MUC4: variants seen among roughly 807,000 people sequenced by gnomAD.
MUC4 encodes the protein mucin-4.
In MUC4, 202 loss-of-function variants were observed where a neutral mutation model predicts 257.9. That is an observed-to-expected ratio of 0.78 (90% CI 0.70 to 0.88). The LOEUF (loss-of-function observed/expected upper bound fraction) is 0.88, where lower values mean the gene tolerates loss of function less well. Ranked by LOEUF, MUC4 falls within the 40% of genes least tolerant of loss-of-function variation. The pLI is 0.00. For missense variants in MUC4, 5,976 were observed against 6,513.7 expected (o/e 0.92, Z 2.84); for synonymous variants, 2,351 against 2,757.1 (o/e 0.85, Z 4.62).
At position 195,788,916 on chromosome 3, in the gene MUC4, C is replaced by T. The variant is rs368548899; in HGVS notation, c.2664G>A (p.Gln888=). Residue 888 remains glutamine, a synonymous_variant, in exon 2 of 25, where the codon CAG becomes CAA. Coordinates refer to ENST00000463781, the MANE Select transcript of MUC4 (RefSeq NM_018406.7). ...EASTAGRPTG[Q]SSPTSPSASP... ...AGGCACTGGGAGAAGTTGGGCTTGA[C>T]TGTCCTGTCGGTCTCCCTGCAGTGG... 1.2e-5 allele frequency: 20 copies of T among 1,613,504 alleles called. No individual in the cohort carries two copies. The African/African-American group carries it at 2.4e-4, about 19-fold the overall frequency.
At position 195,780,029 on chromosome 3, in the gene MUC4, T is replaced by A. The variant is rs1560305616; in HGVS notation, c.11551A>T (p.Thr3851Ser). Residue 3851 changes from threonine (T) to serine (S), a missense_variant, in exon 2 of 25, where the codon ACA becomes TCA. Physicochemically the swap from Thr to Ser is moderately conservative, Grantham distance 58. This residue lies in a region of MUC4 where 330 missense variants were observed against 262.0 expected (regional missense o/e 1.26). Transcript: ENST00000463781. ...LPVTIPSSVS[T>S]GDTMPLPVTS... Reference sequence around the variant, plus strand: ...ACAGGAAGAGGCATGGTGTCACCTGTGGATACTGAGGAAGGGATGGTGACA... The same window carrying A: ...ACAGGAAGAGGCATGGTGTCACCTGAGGATACTGAGGAAGGGATGGTGACA... 3 of 731,282 alleles carry A rather than the reference T, an allele frequency of 4.1e-6. No homozygotes were observed. The highest frequency in any genetic ancestry group is 4.8e-4 in the Middle Eastern group (1 of 2,070). 45.3% of individuals were successfully genotyped at this position (731,282 alleles called of 1,614,324 possible).
rs1165522432 is a variant in MUC4 at position 195,747,254 on chromosome 3, C to T, written c.16161G>A (p.Thr5387=). Residue 5387 remains threonine, a synonymous_variant, in exon 25 of 25, where the codon ACG becomes ACA. Coordinates refer to ENST00000463781, the MANE Select transcript of MUC4 (RefSeq NM_018406.7). ...LGGLLLLGVG[T]FVVLRFWGCS... ...AACCCCAGAAGCGCAGGACCACGAACGTCCCGACCCCCAGCAGCAAGAGGC... is the reference window on the plus strand; with the variant it reads ...AACCCCAGAAGCGCAGGACCACGAATGTCCCGACCCCCAGCAGCAAGAGGC... 1.9e-6 allele frequency: 3 copies of T among 1,614,254 alleles called. No individual in the cohort carries two copies. Among genetic ancestry groups the T allele is most frequent in the East Asian group, 2.2e-5 (1 of 44,892 alleles).
chr3:195,760,304 G>T (rs1307145043), intron 16 of MUC4, among the ~76,000 whole-genome samples: 1 of 152,236 alleles, frequency 6.6e-6, no homozygotes, highest in East Asian at 1.9e-4. Flanking sequence ...GGGGACATTG[G>T]AATGAAGACG....
At chr3:195,766,204 G>T (rs979646563) in intron 8 of MUC4, among the ~76,000 whole-genome samples, 13 of 152,130 alleles carry the variant, frequency 8.5e-5, no homozygotes, top group Middle Eastern at 3.4e-3. Flanking sequence ...CAAGTGATCC[G>T]CCCACCTCAG....
intron 7 of MUC4, 126 bp downstream of exon 7, chr3:195,768,896 G>A (rs1030825720): frequency 3.1e-5 from 39 of 1,267,480 alleles, no homozygotes; most frequent in South Asian, 1.9e-4. Context: ...TGGAGTCAGC[G>A]TGAGTCAGAA....
chr3:195,761,816 G>A lies in MUC4; in HGVS notation c.14513-231C>T, dbSNP rs139027270. ...GGTGGAGGAGGGCGGGAGGATGTGG[G>A]AGGCAAGAGGAAAGGGAGAAAGGAT... On this transcript the variant is annotated intron_variant, in intron 14 of 24. Transcript: ENST00000463781. Among the ~76,000 whole-genome samples, 25 of 152,286 alleles carry A rather than the reference G, an allele frequency of 1.6e-4. No homozygotes were observed. In the East Asian group the frequency reaches 4.8e-3, roughly 29 times the overall value.
chr3:195,789,765 G>C lies in MUC4; in HGVS notation c.1815C>G (p.His605Gln). 1 of 1,614,016 alleles carries C rather than the reference G, an allele frequency of 6.2e-7. No individual in the cohort carries two copies. The highest frequency in any genetic ancestry group is 8.5e-7 in the Non-Finnish European group (1 of 1,179,880). Reference sequence around the variant, plus strand: ...GTGCCGTTGTAATTTGTTGGGATGTGTGTCTATCCAGCATAGGTGAAGAAG... The same window carrying C: ...GTGCCGTTGTAATTTGTTGGGATGTCTGTCTATCCAGCATAGGTGAAGAAG... Reference protein sequence around the residue: ...SPSSSPMLDRHTSQQITTAPS... With the variant: ...SPSSSPMLDRQTSQQITTAPS... The change falls in exon 2 of 25, where the codon CAC (histidine) becomes CAG (glutamine). Residue 605 changes from histidine (H) to glutamine (Q), a missense_variant. His to Gln is a conservative substitution (Grantham distance 24). Transcript: ENST00000463781.
Position 195,762,883 on chromosome 3 carries a change from T to C in MUC4, c.14316A>G (p.Thr4772=). ...CGCCGTCTTCATGGTCAGGCTGAAA[T>C]GTCACAGTCTGGTTATCCAGCAGGA... is the stretch of plus-strand genomic sequence containing the variant. ...IRVLLDNQTV[T]FQPDHEDGGG... The change falls in exon 13 of 25, where the codon ACA becomes ACG. Residue 4772 remains threonine (T), a synonymous_variant. Transcript: ENST00000463781. 2 of 1,571,078 alleles carry C rather than the reference T, an allele frequency of 1.3e-6. No homozygotes were observed. Among genetic ancestry groups the C allele is most frequent in the Non-Finnish European group, 8.6e-7 (1 of 1,159,400 alleles).
Position 195,782,816 on chromosome 3 carries a change from A to T in MUC4, c.8764T>A (p.Ser2922Thr). 6.6e-7 allele frequency: 1 copy of T among 1,519,650 alleles called. No homozygotes were observed. Among genetic ancestry groups the T allele is most frequent in the Non-Finnish European group, 8.9e-7 (1 of 1,128,728 alleles). 94.1% of individuals were successfully genotyped at this position (1,519,650 alleles called of 1,614,324 possible). A position where few individuals can be genotyped will look rare whatever the true frequency, so the allele number is the denominator to read the frequency against. Residue 2922 changes from serine to threonine, a missense_variant, in exon 2 of 25, where the codon TCC (serine) becomes ACC (threonine). This residue lies in a region of MUC4 where 228 missense variants were observed against 206.3 expected (regional missense o/e 1.11). Coordinates refer to ENST00000463781, the MANE Select transcript of MUC4 (RefSeq NM_018406.7). ...GGAAGAGGGGTGGCCTGACCTGTGG[A>T]TGCTGAGGAAGTGTCGGTGACAGGA... ...PLPVTDTSSA[S>T]TGQATPLPVT...
intron 1 of MUC4, among the ~76,000 whole-genome samples, chr3:195,804,286 T>C (rs953267379): frequency 1.3e-5 from 2 of 152,224 alleles, no homozygotes; most frequent in Non-Finnish European, 2.9e-5. Flanking sequence ...CTGCCTCACG[T>C]CTGTTAGGGC....
Position 195,751,131 on chromosome 3 carries a change from G to GTCA in MUC4, c.15648-20_15648-19insTGA. On this transcript the variant is annotated intron_variant, in intron 22 of 24. Coordinates refer to ENST00000463781, the MANE Select transcript of MUC4 (RefSeq NM_018406.7). ...AGAATCGCTGTGTGGGAGGGCAACG[G>GTCA]TGAGGGGGGGTGGGGGGCTGGGGGT... is the stretch of plus-strand genomic sequence containing the variant. 6.5e-7 allele frequency: 1 copy of GTCA among 1,531,078 alleles called. No homozygotes were observed. Among genetic ancestry groups the GTCA allele is most frequent in the Non-Finnish European group, 8.9e-7 (1 of 1,127,536 alleles). 94.8% of individuals were successfully genotyped at this position (1,531,078 alleles called of 1,614,324 possible). A position where few individuals can be genotyped will look rare whatever the true frequency, so the allele number is the denominator to read the frequency against.
chr3:195,778,721 G>C, intron 2 of MUC4, 69 bp downstream of exon 2: 1 of 1,473,190 alleles, frequency 6.8e-7, no homozygotes, highest in Non-Finnish European at 9.2e-7. Context: ...GTGTTCTCAG[G>C]TACTCCTTAG....
At position 195,786,785 on chromosome 3, in the gene MUC4, T is replaced by A; in HGVS notation, c.4795A>T (p.Thr1599Ser). The change falls in exon 2 of 25, where the codon ACC (threonine) becomes TCC (serine). Residue 1599 changes from threonine to serine, a missense_variant. Physicochemically the swap from Thr to Ser is moderately conservative, Grantham distance 58. Coordinates refer to ENST00000463781, the MANE Select transcript of MUC4 (RefSeq NM_018406.7). ...GAAGGGCTGGTGACAGGAAGAGGGGTGGTGTCACCTTTGGATGCTGAGGAA... is the reference window on the plus strand; with the variant it reads ...GAAGGGCTGGTGACAGGAAGAGGGGAGGTGTCACCTTTGGATGCTGAGGAA... The part of the protein sequence containing the change: ...DTSSASKGDT[T>S]PLPVTSPSSA... The A allele has an allele frequency of 6.9e-7, 1 of 1,458,228 alleles. No individual in the cohort carries two copies. Among genetic ancestry groups the A allele is most frequent in the Non-Finnish European group, 9.1e-7 (1 of 1,095,508 alleles). 90.3% of individuals were successfully genotyped at this position (1,458,228 alleles called of 1,614,324 possible).
Position 195,779,783 on chromosome 3 carries a change from G to GTC in MUC4, c.11795_11796dup (p.His3933AspfsTer327). ...CTGGTGACAGGAAGAGGGGTGGCAT[G>GTC]TCCTGTGGATGCCGAGGAAACGTCG... On this transcript the variant is annotated frameshift_variant, in exon 2 of 25. Coordinates refer to ENST00000463781, the MANE Select transcript of MUC4 (RefSeq NM_018406.7). LOFTEE classifies it high-confidence loss of function. 5.1e-6 allele frequency: 5 copies of GTC among 989,222 alleles called. No homozygotes were observed. The highest frequency in any genetic ancestry group is 5.0e-5 in the South Asian group (3 of 59,478). The allele number at this position is 989,222 out of a possible 1,614,324, so 61.3% of individuals were successfully genotyped here.
intron 3 of MUC4, 46 bp from the exon 4 acceptor site, chr3:195,774,351 C>G: frequency 7.4e-6 from 11 of 1,483,570 alleles, no homozygotes; most frequent in Non-Finnish European, 8.9e-6. Flanking sequence ...GGGCCTGGGC[C>G]TTCTTTAGGG....
Position 195,784,483 on chromosome 3 carries a change from G to A in MUC4, c.7097C>T (p.Thr2366Ile). ...TDASSVSTGD[T>I]TPLPVTSSSS... ...AGAGCTGGTGACAGGAAGAGGGGTG[G>A]TGTCACCTGTGGATACTGAGGAAGC... is the stretch of plus-strand genomic sequence containing the variant. Residue 2366 changes from threonine to isoleucine, a missense_variant, in exon 2 of 25, where the codon ACC becomes ATC. Thr to Ile is a moderately conservative substitution (Grantham distance 89). Around this residue, in one of 44 missense-constraint regions of MUC4, gnomAD observed 35 missense variants for 64.3 expected, o/e 0.54. Transcript: ENST00000463781. The A allele has an allele frequency of 6.5e-7, 1 of 1,541,848 alleles. No individual in the cohort carries two copies. Among genetic ancestry groups the A allele is most frequent in the Non-Finnish European group, 8.8e-7 (1 of 1,141,114 alleles).
At chr3:195,771,557 T>C in intron 5 of MUC4, 95 bp downstream of exon 5, 1 of 1,404,444 alleles carries the variant, frequency 7.1e-7, no homozygotes, top group Non-Finnish European at 9.7e-7. Flanking sequence ...GCAGGGGCTG[T>C]CACAGCAGCA....
chr3:195,761,102 G>A lies in MUC4; in HGVS notation c.14630C>T (p.Thr4877Ile). The change falls in exon 16 of 25, where the codon ACA becomes ATA. Residue 4877 changes from threonine to isoleucine, a missense_variant. Coordinates refer to ENST00000463781, the MANE Select transcript of MUC4 (RefSeq NM_018406.7). Reference sequence around the variant, plus strand: ...GTCATTCCTCTTGCCAAGGAGGCCTGTCCCGTTGATCTGCCCTGTAACACA... The same window carrying A: ...GTCATTCCTCTTGCCAAGGAGGCCTATCCCGTTGATCTGCCCTGTAACACA... ...HFGMTWQING[T>I]GLLGKRNDQL... 2 of 1,614,194 alleles carry A rather than the reference G, an allele frequency of 1.2e-6. No individual in the cohort carries two copies. The highest frequency in any genetic ancestry group is 1.7e-6 in the Non-Finnish European group (2 of 1,180,018).
chr3:195,762,328 GC>G, intron 13 of MUC4, 74 bp from the exon 14 acceptor site: 1 of 1,449,486 alleles, frequency 6.9e-7, no homozygotes, highest in South Asian at 1.3e-5. Context: ...GCCCTGCCGG[GC>G]CCGCACCACC....
Sources: gnomAD v4.1 joint callset for allele counts (sites outside exome capture counted in the v4.1 genomes callset) on GRCh38, gnomAD v4.1.1 for gene constraint, gnomAD v4.1.1 regional missense constraint, MANE v1.5 for transcripts, NCBI Gene and HGNC (gene_info 2026-07-23, HGNC 2026-07-21) for gene names.